PLAA: variants seen among roughly 807,000 people sequenced by gnomAD.
The protein encoded by PLAA is phospholipase A2 activating protein.
A neutral mutation model predicts 84.1 loss-of-function variants in PLAA; 48 were observed. The ratio of observed to expected loss-of-function variants is 0.57; its 90% CI spans 0.45 to 0.73. The LOEUF is 0.73. Among genes scored for constraint, PLAA ranks in the 30% least tolerant of loss-of-function variants. PLAA has a pLI of 0.00. For synonymous variants in PLAA, 392 were observed against 336.6 expected (o/e 1.16, Z -1.80); for missense variants, 903 against 954.7 (o/e 0.95, Z 0.71).
chr9:26,944,290 T>C (rs1016539594), intron 1 of PLAA, among the ~76,000 whole-genome samples: 3 of 151,880 alleles, frequency 2.0e-5, no homozygotes, highest in African/African-American at 7.2e-5. Context: ...CTATGAAAAA[T>C]ACATTTCTTT....
intron 2 of PLAA, 138 bp from the exon 3 acceptor site, chr9:26,928,546 G>T: frequency 1.5e-6 from 1 of 681,330 alleles, no homozygotes. Context: ...ATTCAGCAGA[G>T]ACGCATAAGA....
chr9:26,930,846 G>C (rs1039865135), intron 2 of PLAA, among the ~76,000 whole-genome samples: 4 of 151,776 alleles, frequency 2.6e-5, no homozygotes, highest in African/African-American at 7.3e-5. Context: ...GCCTCCCAAA[G>C]TGCTGGGATT....
chr9:26,942,299 T>G (rs1036098136), intron 1 of PLAA, among the ~76,000 whole-genome samples: 1 of 152,176 alleles, frequency 6.6e-6, no homozygotes, highest in Non-Finnish European at 1.5e-5. Flanking sequence ...AAAAGTTGTT[T>G]TGGAAACAAC....
At chr9:26,943,141 AC>A (rs958263376) in intron 1 of PLAA, among the ~76,000 whole-genome samples, 7 of 152,180 alleles carry the variant, frequency 4.6e-5, no homozygotes, top group African/African-American at 1.7e-4. Context: ...CCAGAAGTCA[AC>A]GACAGACTTG....
chr9:26,927,776 T>G (rs1825025714), intron 4 of PLAA, among the ~76,000 whole-genome samples: 1 of 152,176 alleles, frequency 6.6e-6, no homozygotes, highest in African/African-American at 2.4e-5. Context: ...TTTAGAAGTT[T>G]CAGGCTAAAA....
chr9:26,918,256 C>T (rs986453638), intron 9 of PLAA, among the ~76,000 whole-genome samples: 8 of 150,856 alleles, frequency 5.3e-5, no homozygotes, highest in Admixed American at 1.3e-4. Context: ...GGATTACAGG[C>T]GCACATCCAT....
At chr9:26,914,440 A>T (rs1476732091) in intron 10 of PLAA, among the ~76,000 whole-genome samples, 2 of 152,142 alleles carry the variant, frequency 1.3e-5, no homozygotes, top group African/African-American at 4.8e-5. Context: ...GGATTTGGAG[A>T]TATTCAGAAT....
At chr9:26,934,868 G>C (rs1244047596) in intron 2 of PLAA, 145 bp downstream of exon 2, 5 of 609,172 alleles carry the variant, frequency 8.2e-6, no homozygotes, top group South Asian at 4.8e-5. Flanking sequence ...ACGGAACTAA[G>C]ATAGCCCAAA....
chr9:26,928,801 G>A lies in PLAA; in HGVS notation c.344-393C>T, dbSNP rs75083353. On this transcript the variant is annotated intron_variant, in intron 2 of 13. Transcript: ENST00000397292. ...TATTTAAGGCTGCTTTCATGACAGTGACCATAAAACCTGCAGCCAAGCTCA... is the reference window on the plus strand; with the variant it reads ...TATTTAAGGCTGCTTTCATGACAGTAACCATAAAACCTGCAGCCAAGCTCA... Among the ~76,000 whole-genome samples the A allele has an allele frequency of 4.9e-4, 74 of 152,310 alleles. No homozygotes were observed. The East Asian group carries it at 0.014, about 29-fold the overall frequency.
intron 10 of PLAA, among the ~76,000 whole-genome samples, chr9:26,914,468 G>T (rs1245959685): frequency 1.3e-5 from 2 of 151,976 alleles, no homozygotes; most frequent in Non-Finnish European, 2.9e-5. Flanking sequence ...CAGCCTTTAT[G>T]GGAAGAAGAA....
intron 12 of PLAA, among the ~76,000 whole-genome samples, chr9:26,908,401 C>T (rs774496320): frequency 1.3e-5 from 2 of 151,880 alleles, no homozygotes; most frequent in Non-Finnish European, 1.5e-5. Flanking sequence ...CTCCTGACCT[C>T]GTGGTCCACC....
intron 1 of PLAA, among the ~76,000 whole-genome samples, chr9:26,939,612 A>T (rs1053414061): frequency 1.3e-5 from 2 of 151,964 alleles, no homozygotes; most frequent in Non-Finnish European, 2.9e-5. Context: ...GATTGGCAGA[A>T]ACCATTTTAA....
chr9:26,932,222 T>C (rs58940974), intron 2 of PLAA, among the ~76,000 whole-genome samples: 1 of 75,050 alleles, frequency 1.3e-5, no homozygotes, highest in Non-Finnish European at 2.3e-5. Context: ...GTTTTTGTTT[T>C]GTTTTGTTTT....
chr9:26,908,137 T>C (rs554760138), intron 12 of PLAA, 139 bp from the exon 13 acceptor site: 5 of 532,450 alleles, frequency 9.4e-6, no homozygotes, highest in South Asian at 8.8e-5. Context: ...TCAAACACCA[T>C]AAAGTAAGGA....
chr9:26,929,773 T>G (rs1434281945), intron 2 of PLAA, among the ~76,000 whole-genome samples: 1 of 152,210 alleles, frequency 6.6e-6, no homozygotes, highest in East Asian at 1.9e-4. Context: ...GACAGCTTAC[T>G]TATAAGCATC....
At chr9:26,920,865 C>G (rs1824735526) in intron 7 of PLAA, among the ~76,000 whole-genome samples, 1 of 152,148 alleles carries the variant, frequency 6.6e-6, no homozygotes, top group Non-Finnish European at 1.5e-5. Flanking sequence ...TCCCTTGGTC[C>G]AAGCCACCAT....
intron 1 of PLAA, 98 bp downstream of exon 1, chr9:26,946,799 G>A: frequency 1.5e-6 from 2 of 1,324,622 alleles, no homozygotes; most frequent in Non-Finnish European, 1.0e-6. Context: ...AGGCTGGGGG[G>A]AGAGAGAGAC....
At position 26,905,977 on chromosome 9, in the gene PLAA, C is replaced by G. The variant is rs1824223035; in HGVS notation, c.1922G>C (p.Ser641Thr). Residue 641 changes from serine (S) to threonine (T), a missense_variant, in exon 14 of 14, where the codon AGT (serine) becomes ACT (threonine). Coordinates refer to ENST00000397292, the MANE Select transcript of PLAA (RefSeq NM_001031689.3). ...CNEKEGAQFS[S>T]HLINLLNPKG... The stretch of plus-strand genomic sequence containing the variant: ...AGGGTTCAGAAGATTGATAAGATGA[C>G]TGCTGAACTGAGCCCCTTCCTTTTC... 1 of 1,613,920 alleles carries G rather than the reference C, an allele frequency of 6.2e-7. No individual in the cohort carries two copies. The highest frequency in any genetic ancestry group is 8.5e-7 in the Non-Finnish European group (1 of 1,180,002).
In PLAA at chr9:26,905,889, C is replaced by T. The variant is rs1446474254; in HGVS notation, c.2010G>A (p.Gln670=). ...LRTFCNCFVG[Q]AGQKLMMSQR... is the part of the protein sequence containing the mutation. ...GGGACATCATGAGTTTTTGTCCTGC[C>T]TGGCCAACAAAACAATTGCAAAAAG... The change falls in exon 14 of 14, where the codon CAG becomes CAA. Residue 670 remains glutamine (Q), a synonymous_variant. Transcript: ENST00000397292. The T allele has an allele frequency of 9.9e-6, 16 of 1,613,990 alleles. No homozygotes were observed. Among genetic ancestry groups the T allele is most frequent in the Non-Finnish European group, 1.3e-5 (15 of 1,180,024 alleles).
Sources: allele counts gnomAD v4.1 joint callset (sites outside exome capture counted in the v4.1 genomes callset), GRCh38; gene constraint gnomAD v4.1.1; transcripts MANE v1.5; gene names NCBI Gene and HGNC (gene_info 2026-07-23, HGNC 2026-07-21).